The following RRBP1 variants were observed in gnomAD, a reference collection of about 807,000 sequenced individuals.
RRBP1 encodes ribosome binding protein 1.
In RRBP1, 94 loss-of-function variants were observed where a neutral mutation model predicts 165.2. The ratio of observed to expected loss-of-function variants is 0.57; its 90% CI spans 0.48 to 0.68. The LOEUF (loss-of-function observed/expected upper bound fraction) is 0.68. Ranked by LOEUF, RRBP1 falls within the 30% of genes least tolerant of loss-of-function variation. RRBP1 has a pLI of 0.00. For missense variants in RRBP1, 1,676 were observed against 1,763.0 expected (o/e 0.95, Z 0.88); for synonymous variants, 680 against 714.5 (o/e 0.95, Z 0.77).
chr20:17,680,222 G>C (rs753199235), intron 1 of RRBP1, 147 bp from the exon 2 acceptor site: 4 of 152,304 alleles, frequency 2.6e-5, no homozygotes, highest in African/African-American at 7.2e-5. Context: ...ATCAAACAAG[G>C]AGTGTGAGGA....
At chr20:17,681,332 C>T (rs2037181540) in intron 1 of RRBP1, among the ~76,000 whole-genome samples, 1 of 147,430 alleles carries the variant, frequency 6.8e-6, no homozygotes, top group Admixed American at 6.7e-5. Flanking sequence ...GCCTCCCGCA[C>T]TCCGGGAAGT....
intron 11 of RRBP1, 122 bp from the exon 12 acceptor site, chr20:17,625,724 C>T (rs1208166591): frequency 3.7e-6 from 3 of 813,112 alleles, no homozygotes; most frequent in East Asian, 2.5e-5. Flanking sequence ...CAGGGACGGT[C>T]CCTTCTGGCT....
chr20:17,660,167 G>A lies in RRBP1; in HGVS notation c.341C>T (p.Pro114Leu), dbSNP rs200917865. 4.3e-6 allele frequency: 7 copies of A among 1,614,124 alleles called. No individual in the cohort carries two copies. In the East Asian group the frequency reaches 6.7e-5, roughly 15 times the overall value. The change falls in exon 3 of 25, where the codon CCC (proline) becomes CTC (leucine). Residue 114 changes from proline (P) to leucine (L), a missense_variant. Physicochemically the swap from Pro to Leu is moderately conservative, Grantham distance 98. Around this residue, in one of 5 missense-constraint regions of RRBP1, gnomAD observed 392 missense variants for 382.5 expected, o/e 1.02. Transcript: ENST00000377813. ...GGCGACAGGAGCAACGATAATGGGG[G>A]GCTGCACTGGGGTTGGAGCCACAGC... is the stretch of plus-strand genomic sequence containing the variant. ...AVAVAPTPVQPPIIVAPVATV... is the reference protein window; with the variant it reads ...AVAVAPTPVQLPIIVAPVATV...
chr20:17,660,352 A>G lies in RRBP1; in HGVS notation c.156T>C (p.Thr52=), dbSNP rs1333678894. The G allele has an allele frequency of 2.5e-6, 4 of 1,613,758 alleles. No homozygotes were observed. The highest frequency in any genetic ancestry group is 3.4e-6 in the Non-Finnish European group (4 of 1,179,950). ...LANQRKEMAK[T]HHQKVEKKKK... is the part of the protein sequence containing the mutation. ...TTTTCTTCTCGACTTTCTGGTGGTG[A>G]GTTTTCGCCATCTCCTTGCGCTGGT... The change falls in exon 3 of 25, where the codon ACT becomes ACC. Residue 52 remains threonine, a synonymous_variant. Transcript: ENST00000377813.
intron 9 of RRBP1, among the ~76,000 whole-genome samples, chr20:17,629,121 C>T (rs915312227): frequency 5.9e-5 from 9 of 152,278 alleles, no homozygotes; most frequent in Non-Finnish European, 1.3e-4. Flanking sequence ...GAACACAGTC[C>T]CTGTGTAGAG....
At chr20:17,666,013 C>T (rs2036861092) in intron 2 of RRBP1, among the ~76,000 whole-genome samples, 1 of 152,222 alleles carries the variant, frequency 6.6e-6, no homozygotes, top group Admixed American at 6.5e-5. Flanking sequence ...TTTCTAGATT[C>T]TACACTTTGT....
chr20:17,646,526 A>C (rs960671471), intron 3 of RRBP1, among the ~76,000 whole-genome samples: 1 of 152,156 alleles, frequency 6.6e-6, no homozygotes, highest in African/African-American at 2.4e-5. Context: ...TGCCTACAAA[A>C]CGGGGATGAT....
chr20:17,660,196 A>G lies in RRBP1; in HGVS notation c.312T>C (p.Ala104=), dbSNP rs747491655. 9 of 1,614,120 alleles carry G rather than the reference A, an allele frequency of 5.6e-6. No individual in the cohort carries two copies. Among genetic ancestry groups the G allele is most frequent in the South Asian group, 3.3e-5 (3 of 91,060 alleles). Residue 104 remains alanine, a synonymous_variant, in exon 3 of 25, where the codon GCT becomes GCC. Coordinates refer to ENST00000377813, the MANE Select transcript of RRBP1 (RefSeq NM_001365613.2). The part of the protein sequence containing the change: ...VLLREPVRAP[A]VAVAPTPVQP... ...GCACTGGGGTTGGAGCCACAGCCAC[A>G]GCAGGAGCCCGCACTGGTTCTCGAA...
chr20:17,641,730 T>C lies in RRBP1; in HGVS notation c.2184+67A>G, dbSNP rs2036363174. On this transcript the variant is annotated intron_variant, in intron 5 of 24. Coordinates refer to ENST00000377813, the MANE Select transcript of RRBP1 (RefSeq NM_001365613.2). ...GCATCTCGGAGCCCGGGATCCACCG[T>C]GGATGGGGCGGGGGTCCTCTGAGGA... is the stretch of plus-strand genomic sequence containing the variant. 5 of 1,588,170 alleles carry C rather than the reference T, an allele frequency of 3.1e-6. No homozygotes were observed. In the Admixed American group the frequency reaches 5.0e-5, roughly 16 times the overall value.
intron 3 of RRBP1, among the ~76,000 whole-genome samples, chr20:17,652,807 G>T (rs745493536): frequency 1.3e-5 from 2 of 152,314 alleles, no homozygotes; most frequent in African/African-American, 4.8e-5. Context: ...TGTCTCATCC[G>T]GGCTTGCTCA....
At chr20:17,641,657 G>A (rs2036360865) in intron 5 of RRBP1, 140 bp downstream of exon 5, 3 of 1,042,076 alleles carry the variant, frequency 2.9e-6, no homozygotes, top group Non-Finnish European at 1.5e-6. Context: ...ATAAGCAGCA[G>A]TCCCTACTCA....
chr20:17,669,405 C>A (rs1173738058), intron 2 of RRBP1, among the ~76,000 whole-genome samples: 6 of 152,206 alleles, frequency 3.9e-5, no homozygotes, highest in Admixed American at 2.0e-4. Context: ...GAACTGATGT[C>A]TCAAAATGGA....
At chr20:17,673,926 A>C (rs780129995) in intron 2 of RRBP1, among the ~76,000 whole-genome samples, 1 of 152,196 alleles carries the variant, frequency 6.6e-6, no homozygotes, top group Non-Finnish European at 1.5e-5. Flanking sequence ...CCTCCCCTCA[A>C]TCACTGTGAT....
intron 2 of RRBP1, among the ~76,000 whole-genome samples, chr20:17,673,115 T>C (rs1229903525): frequency 6.6e-6 from 1 of 152,236 alleles, no homozygotes; most frequent in Non-Finnish European, 1.5e-5. Flanking sequence ...TTTCTGTATA[T>C]ATTTTACTTT....
chr20:17,669,868 T>G (rs2122491457), intron 2 of RRBP1, among the ~76,000 whole-genome samples: 1 of 152,320 alleles, frequency 6.6e-6, no homozygotes, highest in East Asian at 1.9e-4. Flanking sequence ...TCTACATATA[T>G]AAGCATATGA....
chr20:17,645,217 A>G (rs1003714570), intron 3 of RRBP1, among the ~76,000 whole-genome samples: 1 of 152,084 alleles, frequency 6.6e-6, no homozygotes, highest in Non-Finnish European at 1.5e-5. Flanking sequence ...GCGCTCTAGG[A>G]CGCCGCTTCC....
At position 17,629,952 on chromosome 20, in the gene RRBP1, T is replaced by G. The variant is rs780537172; in HGVS notation, c.2620A>C (p.Arg874=). 4.9e-5 allele frequency: 78 copies of G among 1,595,496 alleles called. No individual in the cohort carries two copies. Among genetic ancestry groups the G allele is most frequent in the Non-Finnish European group, 6.4e-5 (75 of 1,176,554 alleles). Residue 874 remains arginine (R), a synonymous_variant, in exon 9 of 25, where the codon AGG becomes CGG. Transcript: ENST00000377813. ...TTCTGCAGGGCCTCCTCACTCTCCC[T>G]GTGGGACGCCTGGGGACGGGCAGGG... ...KQVLQLQASH[R]ESEEALQKRL...
intron 5 of RRBP1, among the ~76,000 whole-genome samples, chr20:17,640,186 G>C (rs1400021116): frequency 6.6e-6 from 1 of 152,228 alleles, no homozygotes; most frequent in African/African-American, 2.4e-5. Context: ...ACAGGAGCCA[G>C]ATGCAGCCAG....
chr20:17,635,871 C>T (rs537577845), intron 6 of RRBP1, among the ~76,000 whole-genome samples: 1 of 152,360 alleles, frequency 6.6e-6, no homozygotes, highest in African/African-American at 2.4e-5. Context: ...CCACACCCAG[C>T]GACACCTCTC....
Sources: gnomAD v4.1 joint callset for allele counts (sites outside exome capture counted in the v4.1 genomes callset) on GRCh38, gnomAD v4.1.1 for gene constraint, gnomAD v4.1.1 regional missense constraint, MANE v1.5 for transcripts, NCBI Gene and HGNC (gene_info 2026-07-23, HGNC 2026-07-21) for gene names.